Variants in EIF3H observed in about 807,000 individuals in gnomAD.
EIF3H encodes the protein eIF-3-gamma.
A neutral mutation model predicts 44.2 loss-of-function variants in EIF3H; 26 were observed. The ratio of observed to expected loss-of-function variants is 0.59; its 90% CI spans 0.43 to 0.82. The LOEUF (loss-of-function observed/expected upper bound fraction) is 0.82. EIF3H is among the 40% of genes least tolerant of loss of function. The pLI is 0.00. For missense variants in EIF3H, 359 were observed against 432.8 expected, an observed-to-expected ratio of 0.83 and a Z score of 1.51; for synonymous variants, 166 against 151.9, an observed-to-expected ratio of 1.09 and a Z score of -0.68.
At chr8:116,706,454 CAT>C (rs1327369228) in intron 2 of EIF3H, among the ~76,000 whole-genome samples, 1 of 152,158 alleles carries the variant, frequency 6.6e-6, no homozygotes, top group African/African-American at 2.4e-5. Context: ...CCAAACACTC[CAT>C]ATAACCACTC....
In EIF3H at chr8:116,743,761, AATAC is replaced by A. The variant is rs1389067339; in HGVS notation, c.132+11901_132+11904del. On this transcript the variant is annotated intron_variant, in intron 1 of 7. Transcript: ENST00000521861. ...CGACAGAGCGATACCCTGTCTCAAA[AATAC>A]ATACATATATATATATATATATATA... Among the ~76,000 whole-genome samples, 7 of 91,456 alleles carry A rather than the reference AATAC, an allele frequency of 7.7e-5. No individual in the cohort carries two copies. In the East Asian group the frequency reaches 1.7e-3, roughly 22 times the overall value. The allele number at this position is 91,456 out of a possible 152,430, so 60.0% of individuals were successfully genotyped here. A position where few individuals can be genotyped will look rare whatever the true frequency, so the allele number is the denominator to read the frequency against.
intron 2 of EIF3H, among the ~76,000 whole-genome samples, chr8:116,702,738 G>C (rs1814399253): frequency 6.6e-6 from 1 of 152,134 alleles, no homozygotes; most frequent in South Asian, 2.1e-4. Context: ...GAGAACAACA[G>C]TACAGATATT....
intron 3 of EIF3H, 62 bp from the exon 4 acceptor site, chr8:116,657,376 T>C (rs1813508713): frequency 2.4e-6 from 3 of 1,241,562 alleles, no homozygotes; most frequent in Non-Finnish European, 2.4e-6. Context: ...TTGAATGGCA[T>C]TGGTTCTAGG....
intron 1 of EIF3H, among the ~76,000 whole-genome samples, chr8:116,753,879 A>T (rs1234900053): frequency 6.6e-6 from 1 of 152,248 alleles, no homozygotes; most frequent in Non-Finnish European, 1.5e-5. Context: ...CTGGAAACTA[A>T]GTGATTCAAA....
chr8:116,649,105 T>C (rs988860697), intron 5 of EIF3H, among the ~76,000 whole-genome samples, 179 bp from the exon 6 acceptor site: 1 of 152,236 alleles, frequency 6.6e-6, no homozygotes, highest in Non-Finnish European at 1.5e-5. Flanking sequence ...AAACTTTCCA[T>C]ACCGAACTTC....
At chr8:116,688,996 T>C in intron 2 of EIF3H, 1 of 376,226 alleles carries the variant, frequency 2.7e-6, no homozygotes, top group South Asian at 2.0e-5. Context: ...CACAATTTTG[T>C]ACACACAGAT....
intron 2 of EIF3H, among the ~76,000 whole-genome samples, chr8:116,691,912 A>G (rs1269368788): frequency 6.6e-6 from 1 of 150,966 alleles, no homozygotes; most frequent in Non-Finnish European, 1.5e-5. Context: ...TAAAGTTTCT[A>G]TTTTGAATGT....
Position 116,698,789 on chromosome 8 carries a change from C to A in EIF3H, c.289+27227G>T, listed in dbSNP as rs982373388. Among the ~76,000 whole-genome samples, 5 of 152,012 alleles carry A rather than the reference C, an allele frequency of 3.3e-5. 1 individual carries two copies. The South Asian group carries it at 6.2e-4, about 19-fold the overall frequency. ...TTGTTTAAGATGATTTTTTTTTCTA[C>A]TGAGACATAAATCACTGTATACCAA... On this transcript the variant is annotated intron_variant, in intron 2 of 7. Coordinates refer to ENST00000521861, the MANE Select transcript of EIF3H (RefSeq NM_003756.3).
chr8:116,754,895 A>T (rs890590128), intron 1 of EIF3H, among the ~76,000 whole-genome samples: 2 of 152,272 alleles, frequency 1.3e-5, no homozygotes, highest in Non-Finnish European at 1.5e-5. Context: ...CTGCATTAAT[A>T]GGAAATAACC....
At chr8:116,676,922 T>C (rs1274621633) in intron 2 of EIF3H, among the ~76,000 whole-genome samples, 1 of 151,282 alleles carries the variant, frequency 6.6e-6, no homozygotes, top group African/African-American at 2.4e-5. Context: ...TTGGCACCAG[T>C]GGGTGCTTTA....
rs62510190 is a variant in EIF3H at position 116,743,799 on chromosome 8, A to C, written c.132+11867T>G. Among the ~76,000 whole-genome samples the C allele has an allele frequency of 1.4e-3, 120 of 87,058 alleles. 1 individual carries two copies. Among genetic ancestry groups the C allele is most frequent in the East Asian group, 1.4e-3 (3 of 2,166 alleles). The allele number at this position is 87,058 out of a possible 152,430, so 57.1% of individuals were successfully genotyped here. On this transcript the variant is annotated intron_variant, in intron 1 of 7. Coordinates refer to ENST00000521861, the MANE Select transcript of EIF3H (RefSeq NM_003756.3). ...ATATATATATATATATATATATATA[A>C]ACACACACACACACACACACACACA...
chr8:116,672,576 G>C (rs1428542750), intron 2 of EIF3H, among the ~76,000 whole-genome samples: 1 of 151,924 alleles, frequency 6.6e-6, no homozygotes, highest in Non-Finnish European at 1.5e-5. Flanking sequence ...GCTGCAGTGA[G>C]CTATGATCAT....
chr8:116,705,779 CTG>C (rs980374280), intron 2 of EIF3H, among the ~76,000 whole-genome samples: 8 of 152,082 alleles, frequency 5.3e-5, no homozygotes, highest in Middle Eastern at 3.2e-3. Context: ...ACCAGAAAAA[CTG>C]GTGAAATCCA....
chr8:116,725,903 G>A, intron 2 of EIF3H, 113 bp downstream of exon 2: 1 of 1,279,250 alleles, frequency 7.8e-7, no homozygotes, highest in South Asian at 1.7e-5. Flanking sequence ...ATCAAGTGAA[G>A]TAGGCTAGCC....
At chr8:116,700,706 A>C (rs1259199595) in intron 2 of EIF3H, among the ~76,000 whole-genome samples, 1 of 152,236 alleles carries the variant, frequency 6.6e-6, no homozygotes, top group Non-Finnish European at 1.5e-5. Context: ...GAAGACATCC[A>C]TAAGTAAAAC....
chr8:116,756,081 A>C, upstream of EIF3H: 1 of 1,330,758 alleles, frequency 7.5e-7, no homozygotes, highest in Non-Finnish European at 1.0e-6. Context: ...CCGTCATAAT[A>C]GCATTACAGT....
At chr8:116,678,161 C>T (rs1243838567) in intron 2 of EIF3H, among the ~76,000 whole-genome samples, 1 of 148,894 alleles carries the variant, frequency 6.7e-6, no homozygotes, top group Non-Finnish European at 1.5e-5. Flanking sequence ...GACTGGTTTT[C>T]GTTTTTTTTT....
intron 2 of EIF3H, among the ~76,000 whole-genome samples, chr8:116,699,657 C>T (rs529394769): frequency 1.3e-5 from 2 of 152,298 alleles, no homozygotes; most frequent in South Asian, 4.1e-4. Flanking sequence ...ATGCAATATA[C>T]TCACGTGGCA....
intron 2 of EIF3H, among the ~76,000 whole-genome samples, chr8:116,660,111 G>A (rs1032458684): frequency 3.9e-5 from 6 of 151,996 alleles, no homozygotes; most frequent in African/African-American, 7.3e-5. Flanking sequence ...GCCTGGTCTC[G>A]TACTCCTAGG....
Sources: gnomAD v4.1 joint callset for allele counts (sites outside exome capture counted in the v4.1 genomes callset) on GRCh38, gnomAD v4.1.1 for gene constraint, MANE v1.5 for transcripts, NCBI Gene and HGNC (gene_info 2026-07-23, HGNC 2026-07-21) for gene names.